Variants in ZBTB38 observed in about 807,000 individuals in gnomAD.
ZBTB38 encodes zinc finger and BTB domain containing 38.
In ZBTB38, 20 loss-of-function variants were observed where a neutral mutation model predicts 76.8. The observed-to-expected ratio is 0.26, with a 90% confidence interval of 0.18 to 0.38. ZBTB38 has a LOEUF of 0.38. Ranked by LOEUF, ZBTB38 falls within the 10% of genes least tolerant of loss-of-function variation. The pLI, the probability that ZBTB38 is intolerant of heterozygous loss-of-function variation, is 1.00. For synonymous variants in ZBTB38, 504 were observed against 544.2 expected, an observed-to-expected ratio of 0.93 and a Z score of 1.03; for missense variants, 1,082 against 1,482.3, an observed-to-expected ratio of 0.73 and a Z score of 4.43.
chr3:141,382,030 G>GA (rs1196927873), intron 3 of ZBTB38, among the ~76,000 whole-genome samples: 3 of 152,022 alleles, frequency 2.0e-5, no homozygotes, highest in African/African-American at 7.2e-5. Flanking sequence ...AAATATGTTG[G>GA]AAAAAAATCA....
chr3:141,338,975 A>G (rs1169881747), intron 1 of ZBTB38, among the ~76,000 whole-genome samples: 2 of 152,160 alleles, frequency 1.3e-5, no homozygotes, highest in African/African-American at 4.8e-5. Context: ...ATGAATGACC[A>G]TAAAGCATAA....
intron 1 of ZBTB38, among the ~76,000 whole-genome samples, chr3:141,353,044 G>A (rs1943566482): frequency 6.6e-6 from 1 of 151,996 alleles, no homozygotes; most frequent in Admixed American, 6.6e-5. Flanking sequence ...AAAAGTAGCA[G>A]AGTATGTGCA....
intron 4 of ZBTB38, chr3:141,387,778 A>G (rs1374178658): frequency 1.3e-5 from 2 of 152,232 alleles, no homozygotes; most frequent in Non-Finnish European, 2.9e-5. Flanking sequence ...TGACAATTGC[A>G]TCTAAAACTT....
intron 5 of ZBTB38, among the ~76,000 whole-genome samples, chr3:141,409,918 C>T (rs995177451): frequency 6.6e-6 from 1 of 152,182 alleles, no homozygotes; most frequent in African/African-American, 2.4e-5. Flanking sequence ...GAAAATTGCC[C>T]AGAGCCCCTG....
rs778590465 is a variant in ZBTB38 at position 141,442,340 on chromosome 3, G to A, written c.1-49G>A. On this transcript the variant is annotated intron_variant, in intron 5 of 5. Transcript: ENST00000321464. This position sits in a 1 kb window ranked among gnomAD's most constrained non-coding sequence, Gnocchi z 6.4. ...AAGTGGAAAATAGTCTAGAGATAAA[G>A]AAGCCACCTGTGGAAGATTATCTGA... 3.5e-5 allele frequency: 49 copies of A among 1,405,244 alleles called. No homozygotes were observed. Among genetic ancestry groups the A allele is most frequent in the Non-Finnish European group, 4.7e-5 (48 of 1,020,828 alleles). The allele number at this position is 1,405,244 out of a possible 1,614,324, so 87.0% of individuals were successfully genotyped here.
chr3:141,440,459 G>A (rs770562191), intron 5 of ZBTB38, among the ~76,000 whole-genome samples: 8 of 152,170 alleles, frequency 5.3e-5, no homozygotes, highest in Non-Finnish European at 1.0e-4. Flanking sequence ...TGGCCATCTG[G>A]TCCATCCAAC....
At position 141,358,837 on chromosome 3, in the gene ZBTB38, G is replaced by A. The variant is rs146523884; in HGVS notation, c.-738-9784G>A. ...GAAAACATAGAATTTGTGGTCTTTT[G>A]TCAGTGGCTTCTTTGATTTGGCACA... On this transcript the variant is annotated intron_variant, in intron 1 of 7. Coordinates refer to the ZBTB38 transcript ENST00000509842. Among the ~76,000 whole-genome samples the A allele has an allele frequency of 1.4e-3, 209 of 152,260 alleles. 3 individuals are homozygous for A. The highest frequency in any genetic ancestry group is 4.8e-3 in the African/African-American group (201 of 41,550).
chr3:141,333,253 G>A (rs1254303410), intron 1 of ZBTB38, among the ~76,000 whole-genome samples: 2 of 152,182 alleles, frequency 1.3e-5, no homozygotes, highest in Non-Finnish European at 2.9e-5. Context: ...AGGGGACTGG[G>A]GTTGGTGTGA....
intron 5 of ZBTB38, among the ~76,000 whole-genome samples, chr3:141,430,429 C>T (rs550568750): frequency 1.4e-4 from 22 of 152,344 alleles, no homozygotes; most frequent in South Asian, 1.0e-3. Context: ...ATGAGCAGTT[C>T]CTCCATAGCC....
upstream of ZBTB38, chr3:141,366,149 A>G (rs1221412899): frequency 5.3e-5 from 8 of 152,190 alleles, no homozygotes; most frequent in African/African-American, 1.9e-4. Context: ...GTTAGTATCA[A>G]CCCCAGAGCA....
At chr3:141,340,687 G>A (rs958563967) in intron 1 of ZBTB38, among the ~76,000 whole-genome samples, 7 of 151,894 alleles carry the variant, frequency 4.6e-5, no homozygotes, top group African/African-American at 1.5e-4. Flanking sequence ...CACGAGGTCA[G>A]CAGATCAAGA....
chr3:141,331,505 G>A (rs1436302894), intron 1 of ZBTB38, among the ~76,000 whole-genome samples: 1 of 152,136 alleles, frequency 6.6e-6, no homozygotes, highest in African/African-American at 2.4e-5. Context: ...TGATGTTTAT[G>A]CCTGCTTCAA....
rs368951677 is a variant in ZBTB38 at position 141,442,535 on chromosome 3, T to C, written c.147T>C (p.Asn49=). The C allele has an allele frequency of 1.3e-4, 209 of 1,614,214 alleles. 3 individuals carry two copies. The African/African-American group carries it at 2.1e-3, about 16-fold the overall frequency. Residue 49 remains asparagine, a synonymous_variant, in exon 6 of 6, where the codon AAT becomes AAC. Transcript: ENST00000321464. The surrounding 1 kb of genome is among the most constrained non-coding windows in gnomAD (Gnocchi z 6.4). ...ATACCAAATTTAAAGCCCATAGCAA[T>C]GTTCTGGCAGCTTCAAGCCTGTATT... ...VEDTKFKAHS[N]VLAASSLYFK...
At chr3:141,367,485 GT>G (rs1944013918), upstream of ZBTB38, 1 of 152,248 alleles carries the variant, frequency 6.6e-6, no homozygotes, top group Non-Finnish European at 1.5e-5. Flanking sequence ...TTGTTTCATT[GT>G]TTCCTTGTAG....
At chr3:141,364,634 G>C (rs1465594024), upstream of ZBTB38, among the ~76,000 whole-genome samples, 2 of 132,202 alleles carry the variant, frequency 1.5e-5, no homozygotes, top group African/African-American at 2.8e-5. Flanking sequence ...CTGAGATTGT[G>C]CCATTGCACT....
Position 141,378,005 on chromosome 3 carries a change from G to A in ZBTB38, c.-234-3420G>A, listed in dbSNP as rs139981562. Reference sequence around the variant, plus strand: ...CAGCCAGGGTAACACAGGGAGACCCGCATCTCTACAAAAATTTACAAAACT... The same window carrying A: ...CAGCCAGGGTAACACAGGGAGACCCACATCTCTACAAAAATTTACAAAACT... On this transcript the variant is annotated intron_variant, in intron 2 of 5. Transcript: ENST00000321464. Among the ~76,000 whole-genome samples the A allele has an allele frequency of 2.4e-4, 36 of 152,038 alleles. No homozygotes were observed. The East Asian group carries it at 4.5e-3, about 19-fold the overall frequency.
chr3:141,382,427 T>C (rs1946331198), intron 3 of ZBTB38, among the ~76,000 whole-genome samples: 1 of 152,198 alleles, frequency 6.6e-6, no homozygotes, highest in Admixed American at 6.5e-5. Flanking sequence ...ACTTATGAAG[T>C]GTGTGATCTT....
intron 1 of ZBTB38, among the ~76,000 whole-genome samples, chr3:141,330,307 C>T (rs1268339941): frequency 1.3e-5 from 2 of 152,196 alleles, no homozygotes; most frequent in African/African-American, 2.4e-5. Flanking sequence ...TACCATGGAA[C>T]GTCCTCTGCC....
At chr3:141,408,700 G>A (rs1955546270) in intron 5 of ZBTB38, among the ~76,000 whole-genome samples, 3 of 152,264 alleles carry the variant, frequency 2.0e-5, no homozygotes, top group Admixed American at 6.5e-5. Flanking sequence ...ATATGGAATT[G>A]CTCTTTATGT....
Sources: gnomAD v4.1 joint callset for allele counts (sites outside exome capture counted in the v4.1 genomes callset) on GRCh38, gnomAD v4.1.1 for gene constraint, Gnocchi (gnomAD v3.1) non-coding constraint, MANE v1.5 for transcripts, NCBI Gene and HGNC (gene_info 2026-07-23, HGNC 2026-07-21) for gene names.